The following ATAD2 variants were observed in gnomAD, a reference collection of about 807,000 sequenced individuals.
ATAD2 encodes ATPase family AAA domain containing 2.
Under a neutral mutation model 168.9 loss-of-function variants are expected in ATAD2, and 62 were observed. The ratio of observed to expected loss-of-function variants is 0.37; its 90% CI spans 0.30 to 0.45. ATAD2 has a LOEUF of 0.45. Ranked by LOEUF, ATAD2 falls within the 20% of genes least tolerant of loss-of-function variation. ATAD2 has a pLI of 1.00. For synonymous variants in ATAD2, 613 were observed against 571.6 expected (o/e 1.07, Z -1.03); for missense variants, 1,419 against 1,667.8 (o/e 0.85, Z 2.60).
At position 123,320,820 on chromosome 8, in the gene ATAD2, G is replaced by T; in HGVS notation, c.*314C>A. 4.1e-6 allele frequency: 1 copy of T among 244,788 alleles called. No homozygotes were observed. Among genetic ancestry groups the T allele is most frequent in the Non-Finnish European group, 7.7e-6 (1 of 129,712 alleles). 15.2% of individuals were successfully genotyped at this position (244,788 alleles called of 1,614,324 possible). ...GTGCTTAATACAAACAAAATTTAAC[G>T]CTGCTAATTATTCTTAAGTGCCATA... On this transcript the variant is annotated 3_prime_UTR_variant, in exon 28 of 28. Coordinates refer to ENST00000287394, the MANE Select transcript of ATAD2 (RefSeq NM_014109.4).
upstream of ATAD2, among the ~76,000 whole-genome samples, chr8:123,398,076 G>C (rs1424635796): frequency 6.6e-6 from 1 of 152,098 alleles, no homozygotes; most frequent in African/African-American, 2.4e-5. Flanking sequence ...GTTTTGAACA[G>C]AGGTTTGACT....
chr8:123,330,373 ATTTTTTT>A (rs1457540690), intron 24 of ATAD2, among the ~76,000 whole-genome samples: 1 of 136,944 alleles, frequency 7.3e-6, no homozygotes, highest in South Asian at 2.4e-4. Context: ...TGTTATCTTG[ATTTTTTT>A]TTGAGATGGA....
intron 24 of ATAD2, among the ~76,000 whole-genome samples, chr8:123,329,195 T>C (rs1340994623): frequency 6.6e-6 from 1 of 152,118 alleles, no homozygotes; most frequent in Non-Finnish European, 1.5e-5. Flanking sequence ...GGCAGCAGTA[T>C]GAGAAATGGA....
At chr8:123,358,360 T>G (rs942884182) in intron 11 of ATAD2, among the ~76,000 whole-genome samples, 16 of 152,208 alleles carry the variant, frequency 1.1e-4, no homozygotes, top group African/African-American at 3.6e-4. Context: ...CTATTTTTTT[T>G]TTGAGACAGA....
At chr8:123,360,144 G>C (rs1828769594) in intron 9 of ATAD2, among the ~76,000 whole-genome samples, 1 of 152,112 alleles carries the variant, frequency 6.6e-6, no homozygotes. Context: ...CCAAGACATA[G>C]AAAGATTAAC....
At chr8:123,382,572 G>T (rs1829521401) in intron 1 of ATAD2, among the ~76,000 whole-genome samples, 1 of 152,146 alleles carries the variant, frequency 6.6e-6, no homozygotes, top group Admixed American at 6.5e-5. Context: ...AAACTGATCA[G>T]CCTGAAAAGG....
chr8:123,399,540 G>A (rs1384965626), upstream of ATAD2, among the ~76,000 whole-genome samples: 1 of 152,086 alleles, frequency 6.6e-6, no homozygotes, highest in East Asian at 1.9e-4. Flanking sequence ...AGGAAGAGGA[G>A]AGAAACATAC....
intron 8 of ATAD2, among the ~76,000 whole-genome samples, chr8:123,362,711 G>A (rs755802705): frequency 1.1e-4 from 17 of 151,892 alleles, no homozygotes; most frequent in East Asian, 1.9e-4. Context: ...CATCACGCCC[G>A]GCCAAAAATA....
chr8:123,324,266 C>T (rs762323156), intron 26 of ATAD2, among the ~76,000 whole-genome samples: 20 of 152,324 alleles, frequency 1.3e-4, no homozygotes, highest in Non-Finnish European at 1.8e-4. Context: ...TTAGTACTAA[C>T]AGGTTCACTT....
intron 1 of ATAD2, among the ~76,000 whole-genome samples, chr8:123,381,382 T>C (rs1223598226): frequency 2.0e-5 from 3 of 152,110 alleles, no homozygotes; most frequent in African/African-American, 7.2e-5. Flanking sequence ...ACACCTGTGG[T>C]CCCAGTTACT....
At chr8:123,401,749 G>A (rs867134133) in intron 1 of ATAD2, 19 of 746,526 alleles carry the variant, frequency 2.5e-5, no homozygotes, top group Admixed American at 1.1e-4. Context: ...CTGCCACCTC[G>A]GAGGCCCCCA....
intron 20 of ATAD2, 114 bp from the exon 21 acceptor site, chr8:123,337,935 G>A (rs2131302697): frequency 1.0e-6 from 1 of 980,282 alleles, no homozygotes. Flanking sequence ...TATATGCAAG[G>A]AATCCAAAGA....
In ATAD2 at chr8:123,396,409, A is replaced by T. The variant is rs764292504; in HGVS notation, c.-52T>A. Reference sequence around the variant, plus strand: ...CGCGACCGGAGAGAGATCCAGCTCCAGGCGCTCGCAGCTCTGGCTCTTCCG... The same window carrying T: ...CGCGACCGGAGAGAGATCCAGCTCCTGGCGCTCGCAGCTCTGGCTCTTCCG... On this transcript the variant is annotated 5_prime_UTR_variant, in exon 1 of 28. Coordinates refer to ENST00000287394, the MANE Select transcript of ATAD2 (RefSeq NM_014109.4). 3 of 1,471,068 alleles carry T rather than the reference A, an allele frequency of 2.0e-6. No individual in the cohort carries two copies. Among genetic ancestry groups the T allele is most frequent in the Non-Finnish European group, 2.7e-6 (3 of 1,113,664 alleles). 91.1% of individuals were successfully genotyped at this position (1,471,068 alleles called of 1,614,324 possible).
At chr8:123,384,079 CAA>C (rs754380577) in intron 1 of ATAD2, among the ~76,000 whole-genome samples, 216 of 73,384 alleles carry the variant, frequency 2.9e-3, no homozygotes, top group African/African-American at 8.5e-3. Flanking sequence ...GACTCCGTCT[CAA>C]AAAAAAAAAA....
intron 2 of ATAD2, among the ~76,000 whole-genome samples, chr8:123,378,174 C>T (rs957011588): frequency 2.0e-5 from 3 of 152,152 alleles, no homozygotes; most frequent in South Asian, 2.1e-4. Flanking sequence ...TTACTGATGG[C>T]ACCTCACAGT....
In ATAD2 at chr8:123,402,099, G is replaced by T; in HGVS notation, c.-2281-924C>A. Reference sequence around the variant, plus strand: ...CATGGCCTGCACTCTTAGGAGAAGCGGCTGTACTGACAGCAGTGGAGGCCG... The same window carrying T: ...CATGGCCTGCACTCTTAGGAGAAGCTGCTGTACTGACAGCAGTGGAGGCCG... On this transcript the variant is annotated intron_variant, in intron 1 of 28. Coordinates refer to the ATAD2 transcript ENST00000521903. This position sits in a 1 kb window ranked among gnomAD's most constrained non-coding sequence, Gnocchi z 4.8. 1 of 1,124,400 alleles carries T rather than the reference G, an allele frequency of 8.9e-7. No homozygotes were observed. Among genetic ancestry groups the T allele is most frequent in the Non-Finnish European group, 1.3e-6 (1 of 746,990 alleles). 69.7% of individuals were successfully genotyped at this position (1,124,400 alleles called of 1,614,324 possible). A position where few individuals can be genotyped will look rare whatever the true frequency, so the allele number is the denominator to read the frequency against.
chr8:123,325,279 A>ATTAT (rs1222329248), intron 26 of ATAD2, among the ~76,000 whole-genome samples: 2 of 146,724 alleles, frequency 1.4e-5, no homozygotes. Flanking sequence ...TGTTTTATCT[A>ATTAT]TTATTTATTT....
chr8:123,413,760 T>C (rs538872564), intron 1 of ATAD2, among the ~76,000 whole-genome samples: 1 of 152,218 alleles, frequency 6.6e-6, no homozygotes, highest in African/African-American at 2.4e-5. Context: ...TCCAGGAAGA[T>C]GGAAGCCAAC....
upstream of ATAD2, chr8:123,400,707 C>A (rs1289005206): frequency 4.0e-6 from 3 of 749,400 alleles, no homozygotes; most frequent in Non-Finnish European, 7.4e-6. This position sits in a 1 kb window ranked among gnomAD's most constrained non-coding sequence, Gnocchi z 4.5. Flanking sequence ...TCATAGACTT[C>A]ATAGCTGATG....
Sources: gnomAD v4.1 joint callset for allele counts (sites outside exome capture counted in the v4.1 genomes callset) on GRCh38, gnomAD v4.1.1 for gene constraint, Gnocchi (gnomAD v3.1) non-coding constraint, MANE v1.5 for transcripts, NCBI Gene and HGNC (gene_info 2026-07-23, HGNC 2026-07-21) for gene names.